The following UBXN2A variants were observed in gnomAD, a reference collection of about 807,000 sequenced individuals.
The protein encoded by UBXN2A is UBX domain-containing protein 2A.
A neutral mutation model predicts 28.4 loss-of-function variants in UBXN2A; 28 were observed. That is an observed-to-expected ratio of 0.99 (90% CI 0.73 to 1.35). The LOEUF is 1.35. UBXN2A is among the 40% of genes most tolerant of loss of function. The pLI, the probability that UBXN2A is intolerant of heterozygous loss-of-function variation, is 0.00. For missense variants in UBXN2A, 253 were observed against 297.9 expected (o/e 0.85, Z 1.11); for synonymous variants, 97 against 103.6 (o/e 0.94, Z 0.39).
chr2:23,949,019 C>T (rs1706229978), intron 1 of UBXN2A, among the ~76,000 whole-genome samples: 2 of 150,226 alleles, frequency 1.3e-5, no homozygotes, highest in African/African-American at 4.9e-5. Flanking sequence ...CCCCTCACTG[C>T]AACCTCCATC....
intron 1 of UBXN2A, chr2:23,944,114 T>A (rs1337469505): frequency 1.3e-6 from 1 of 766,880 alleles, no homozygotes; most frequent in Non-Finnish European, 2.3e-6. Context: ...ATGTCAGCCC[T>A]GTTACTCCCA....
chr2:23,989,455 G>C (rs911549550), intron 6 of UBXN2A, among the ~76,000 whole-genome samples: 3 of 151,606 alleles, frequency 2.0e-5, no homozygotes, highest in Non-Finnish European at 4.4e-5. Context: ...GTTTCACCCT[G>C]TTGCCTAGGC....
intron 1 of UBXN2A, among the ~76,000 whole-genome samples, chr2:23,930,036 G>A (rs1705322123): frequency 6.6e-6 from 1 of 152,124 alleles, no homozygotes; most frequent in African/African-American, 2.4e-5. Context: ...CTACAGGCGT[G>A]TGCCACCACG....
chr2:23,997,067 A>T (rs994591857), intron 6 of UBXN2A: 6 of 152,096 alleles, frequency 3.9e-5, no homozygotes, highest in Non-Finnish European at 8.8e-5. Context: ...GACTATACGC[A>T]TGTGCCACTG....
At chr2:23,944,891 CTAGT>C (rs1558836919) in intron 1 of UBXN2A, among the ~76,000 whole-genome samples, 2 of 152,064 alleles carry the variant, frequency 1.3e-5, no homozygotes, top group Non-Finnish European at 1.5e-5. Context: ...CTAAAGAGGA[CTAGT>C]TAGTTCTTGG....
chr2:23,984,926 G>C, intron 6 of UBXN2A, 95 bp downstream of exon 6: 1 of 1,355,314 alleles, frequency 7.4e-7, no homozygotes, highest in Non-Finnish European at 9.8e-7. Flanking sequence ...TTTAGAGATA[G>C]AATCTTTCTT....
At chr2:23,960,078 C>A (rs933076684) in intron 2 of UBXN2A, among the ~76,000 whole-genome samples, 1 of 151,930 alleles carries the variant, frequency 6.6e-6, no homozygotes, top group African/African-American at 2.4e-5. Context: ...CGGTGAAACC[C>A]CGTCTCTACT....
intron 3 of UBXN2A, 76 bp from the exon 4 acceptor site, chr2:23,976,893 G>C: frequency 1.6e-6 from 2 of 1,289,810 alleles, no homozygotes. Context: ...AATAGTGATA[G>C]AAGAAATTTT....
chr2:23,933,949 C>T (rs915476086), intron 1 of UBXN2A, among the ~76,000 whole-genome samples: 1 of 152,220 alleles, frequency 6.6e-6, no homozygotes, highest in South Asian at 2.1e-4. Flanking sequence ...GGAGTGGTGG[C>T]TCATGCCTGT....
At chr2:23,954,303 A>G (rs772009449) in intron 1 of UBXN2A, among the ~76,000 whole-genome samples, 2 of 152,232 alleles carry the variant, frequency 1.3e-5, no homozygotes, top group African/African-American at 2.4e-5. Flanking sequence ...TTATTCATGT[A>G]GCATCATGTT....
rs182533073 is a variant in UBXN2A, at chr2:23,993,271, A to C, written c.585-6401A>C. Among the ~76,000 whole-genome samples, 28 of 152,316 alleles carry C rather than the reference A, an allele frequency of 1.8e-4. No homozygotes were observed. The East Asian group carries it at 4.8e-3, about 26-fold the overall frequency. ...GTTTATCTTCAGGGAAATAAATTTTAATCTTGACTTGTTTATCTAGGTGAA... is the reference window on the plus strand; with the variant it reads ...GTTTATCTTCAGGGAAATAAATTTTCATCTTGACTTGTTTATCTAGGTGAA... On this transcript the variant is annotated intron_variant, in intron 6 of 6. Transcript: ENST00000309033.
chr2:23,929,413 T>A (rs866476108), intron 1 of UBXN2A, among the ~76,000 whole-genome samples: 122 of 132,376 alleles, frequency 9.2e-4, no homozygotes, highest in Middle Eastern at 3.8e-3. Context: ...AAAAAATATT[T>A]AAAAAAAAAA....
chr2:23,963,912 T>G (rs1472471035), intron 2 of UBXN2A, among the ~76,000 whole-genome samples: 1 of 152,074 alleles, frequency 6.6e-6, no homozygotes, highest in Non-Finnish European at 1.5e-5. Context: ...GAGGATCCCT[T>G]GAGGGAAGGA....
At chr2:23,957,764 A>G (rs1442140753) in intron 1 of UBXN2A, among the ~76,000 whole-genome samples, 2 of 152,066 alleles carry the variant, frequency 1.3e-5, no homozygotes, top group Admixed American at 6.6e-5. Flanking sequence ...AACCCGGGAG[A>G]TGGAGGTTGT....
chr2:23,946,392 C>G (rs1358044491), intron 1 of UBXN2A, among the ~76,000 whole-genome samples: 1 of 151,558 alleles, frequency 6.6e-6, no homozygotes, highest in Non-Finnish European at 1.5e-5. Flanking sequence ...GTGATCTCGG[C>G]TCACTGCAAT....
intron 3 of UBXN2A, 39 bp downstream of exon 3, chr2:23,971,453 T>G (rs1210027963): frequency 2.0e-6 from 3 of 1,487,902 alleles, no homozygotes; most frequent in African/African-American, 2.8e-5. Flanking sequence ...TCTTTCAGTG[T>G]TTCTCAATAT....
At chr2:23,971,866 AGGCAGGAG>A (rs1310472655) in intron 3 of UBXN2A, among the ~76,000 whole-genome samples, 1 of 152,082 alleles carries the variant, frequency 6.6e-6, no homozygotes, top group Non-Finnish European at 1.5e-5. Context: ...TAGGAGACTG[AGGCAGGAG>A]GATCACTTGA....
intron 1 of UBXN2A, among the ~76,000 whole-genome samples, chr2:23,955,678 A>G (rs549939340): frequency 7.9e-5 from 12 of 152,324 alleles, no homozygotes; most frequent in Non-Finnish European, 1.2e-4. Flanking sequence ...ATGTTACTGT[A>G]CCAAATACTG....
chr2:23,996,339 G>A (rs748632884), intron 6 of UBXN2A, among the ~76,000 whole-genome samples: 8 of 151,824 alleles, frequency 5.3e-5, no homozygotes, highest in Non-Finnish European at 1.0e-4. Context: ...AGTGCTGAGA[G>A]TACAGGCATG....
Sources: gnomAD v4.1 joint callset for allele counts (sites outside exome capture counted in the v4.1 genomes callset) on GRCh38, gnomAD v4.1.1 for gene constraint, MANE v1.5 for transcripts, NCBI Gene and HGNC (gene_info 2026-07-23, HGNC 2026-07-21) for gene names.